ASB3: variants seen among roughly 807,000 people sequenced by gnomAD.
The protein encoded by ASB3 is ankyrin repeat and SOCS box containing 3, also known as ankyrin repeat and SOCS box protein 3.
Under a neutral mutation model 54.5 loss-of-function variants are expected in ASB3, and 41 were observed. The observed-to-expected ratio is 0.75, with a 90% CI of 0.59 to 0.98. ASB3 has a LOEUF of 0.98. ASB3 is among the 50% of genes least tolerant of loss of function. The probability of loss-of-function intolerance (pLI) is 0.00; values close to 1 mark genes in which losing one functional copy is unlikely to be tolerated. For missense variants in ASB3, 733 were observed against 620.0 expected (o/e 1.18, Z -1.94); for synonymous variants, 266 against 221.2 (o/e 1.20, Z -1.80).
chr2:53,673,767 T>C (rs961710542), intron 9 of ASB3, among the ~76,000 whole-genome samples: 1 of 152,194 alleles, frequency 6.6e-6, no homozygotes, highest in Non-Finnish European at 1.5e-5. Flanking sequence ...TCTTTCCATT[T>C]AATAATAAAA....
intron 1 of ASB3, among the ~76,000 whole-genome samples, chr2:53,773,443 A>AT (rs1343664378): frequency 6.6e-6 from 1 of 151,664 alleles, no homozygotes; most frequent in Non-Finnish European, 1.5e-5. Context: ...TTTATTTTTT[A>AT]TTTTTTTGAG....
chr2:53,725,090 G>C (rs1328694283), intron 5 of ASB3, among the ~76,000 whole-genome samples: 1 of 152,150 alleles, frequency 6.6e-6, no homozygotes, highest in Non-Finnish European at 1.5e-5. Context: ...TGTACACCAT[G>C]GAATACTACG....
At chr2:53,702,459 T>C (rs1293487263) in intron 7 of ASB3, among the ~76,000 whole-genome samples, 1 of 152,222 alleles carries the variant, frequency 6.6e-6, no homozygotes. Context: ...GGTTAAAATA[T>C]AAATTAGTAT....
chr2:53,680,535 T>C (rs1248740137), intron 9 of ASB3, among the ~76,000 whole-genome samples: 1 of 152,226 alleles, frequency 6.6e-6, no homozygotes, highest in Non-Finnish European at 1.5e-5. Context: ...GCTGGATGTG[T>C]GTCTTCTTTT....
intron 5 of ASB3, among the ~76,000 whole-genome samples, chr2:53,723,257 C>T (rs889458583): frequency 6.6e-6 from 1 of 152,072 alleles, no homozygotes; most frequent in Non-Finnish European, 1.5e-5. Flanking sequence ...TAAAAAATAC[C>T]CATACTGCCC....
At chr2:53,687,313 G>A (rs377155271) in intron 9 of ASB3, among the ~76,000 whole-genome samples, 67 of 152,224 alleles carry the variant, frequency 4.4e-4, no homozygotes, top group Middle Eastern at 3.4e-3. Flanking sequence ...TAGAAATAAG[G>A]TAGAATGTAG....
At chr2:53,752,694 AT>A (rs1209548651) in intron 2 of ASB3, among the ~76,000 whole-genome samples, 1 of 152,248 alleles carries the variant, frequency 6.6e-6, no homozygotes, top group Admixed American at 6.5e-5. Flanking sequence ...GTAACAAATA[AT>A]TTAGAAAAAT....
chr2:53,758,050 A>G (rs1672934171), intron 2 of ASB3, among the ~76,000 whole-genome samples: 1 of 152,206 alleles, frequency 6.6e-6, no homozygotes, highest in Non-Finnish European at 1.5e-5. Flanking sequence ...AGAAAAAGAG[A>G]GATAGAAGTA....
intron 7 of ASB3, among the ~76,000 whole-genome samples, chr2:53,712,222 A>AT (rs1406886916): frequency 6.6e-6 from 1 of 152,110 alleles, no homozygotes; most frequent in African/African-American, 2.4e-5. Context: ...AATACAAAAA[A>AT]AAAAAAATAC....
intron 2 of ASB3, among the ~76,000 whole-genome samples, chr2:53,761,590 G>A (rs1673150329): frequency 6.6e-6 from 1 of 152,176 alleles, no homozygotes; most frequent in Non-Finnish European, 1.5e-5. Context: ...CAGACTGAGA[G>A]TTACACTATC....
At position 53,786,869 on chromosome 2, in the gene ASB3, C is replaced by A. The variant is rs1675051809; in HGVS notation, c.-62G>T. ...CGAAATGGCTGGTCCGAGGCCGCGT[C>A]TCCAGAGCTGCGTCCCAGAAGCCCC... On this transcript the variant is annotated 5_prime_UTR_variant, in exon 1 of 10. Coordinates refer to ENST00000263634, the MANE Select transcript of ASB3 (RefSeq NM_016115.5). 3.6e-6 allele frequency: 1 copy of A among 276,796 alleles called. No homozygotes were observed. Among genetic ancestry groups the A allele is most frequent in the Non-Finnish European group, 6.8e-6 (1 of 146,558 alleles). The allele number at this position is 276,796 out of a possible 1,614,324, so 17.1% of individuals were successfully genotyped here.
chr2:53,676,517 G>A (rs1431996562), intron 9 of ASB3, among the ~76,000 whole-genome samples: 2 of 152,150 alleles, frequency 1.3e-5, no homozygotes, highest in East Asian at 1.9e-4. Flanking sequence ...AGATTATAAT[G>A]GAGCTGAAAA....
chr2:53,744,627 G>A (rs1440808528), intron 3 of ASB3, among the ~76,000 whole-genome samples: 2 of 151,628 alleles, frequency 1.3e-5, no homozygotes, highest in Non-Finnish European at 2.9e-5. Flanking sequence ...TCTTCCAGTT[G>A]AAAAATCTAA....
chr2:53,765,704 C>A, intron 1 of ASB3, 119 bp from the exon 2 acceptor site: 1 of 1,186,024 alleles, frequency 8.4e-7, no homozygotes, highest in Non-Finnish European at 1.2e-6. Context: ...AAGAAGGGCC[C>A]ACAATACAGA....
At chr2:53,684,755 G>A (rs561564004) in intron 9 of ASB3, among the ~76,000 whole-genome samples, 7 of 152,310 alleles carry the variant, frequency 4.6e-5, no homozygotes, top group African/African-American at 1.4e-4. Flanking sequence ...TCAAAAATCT[G>A]CAAATGCAAT....
intron 3 of ASB3, among the ~76,000 whole-genome samples, chr2:53,737,197 G>A (rs1348335767): frequency 2.6e-5 from 4 of 152,108 alleles, no homozygotes; most frequent in Admixed American, 6.5e-5. Context: ...TGATTCCCGA[G>A]AGAAGTGAAA....
chr2:53,727,194 G>A (rs915545279), intron 5 of ASB3, among the ~76,000 whole-genome samples: 1 of 152,108 alleles, frequency 6.6e-6, no homozygotes, highest in Admixed American at 6.5e-5. Flanking sequence ...AGATAATTTT[G>A]GGGATTCCTC....
chr2:53,731,129 T>G (rs890823177), intron 3 of ASB3, among the ~76,000 whole-genome samples: 24 of 152,114 alleles, frequency 1.6e-4, no homozygotes, highest in Admixed American at 5.9e-4. Context: ...CCACCGAGTG[T>G]GGTGGCTCCC....
chr2:53,695,990 G>T (rs1471790670), intron 8 of ASB3, among the ~76,000 whole-genome samples: 2 of 152,072 alleles, frequency 1.3e-5, no homozygotes, highest in Middle Eastern at 6.4e-3. Flanking sequence ...CAACATATTG[G>T]AATTTTTATA....
Sources: gnomAD v4.1 joint callset for allele counts (sites outside exome capture counted in the v4.1 genomes callset) on GRCh38, gnomAD v4.1.1 for gene constraint, MANE v1.5 for transcripts, NCBI Gene and HGNC (gene_info 2026-07-23, HGNC 2026-07-21) for gene names.